NUP155: variants seen among roughly 807,000 people sequenced by gnomAD.
NUP155 encodes the protein nucleoporin 155.
A neutral mutation model predicts 180.4 loss-of-function variants in NUP155; 71 were observed. That is an observed-to-expected ratio of 0.39 (90% CI 0.33 to 0.48). The LOEUF (loss-of-function observed/expected upper bound fraction) is 0.48, where lower values mean the gene tolerates loss of function less well. Among genes scored for constraint, NUP155 ranks in the 20% least tolerant of loss-of-function variants. The pLI is 0.91. For synonymous variants in NUP155, 582 were observed against 559.5 expected, an observed-to-expected ratio of 1.04 and a Z score of -0.57; for missense variants, 1,553 against 1,648.9, an observed-to-expected ratio of 0.94 and a Z score of 1.01.
intron 4 of NUP155, among the ~76,000 whole-genome samples, chr5:37,357,866 G>A (rs1392717302): frequency 1.3e-4 from 20 of 152,108 alleles, no homozygotes; most frequent in Middle Eastern, 3.4e-3. Flanking sequence ...GGTGGCGCAC[G>A]CCCGTAATCC....
At chr5:37,340,388 T>C (rs1040371754) in intron 11 of NUP155, among the ~76,000 whole-genome samples, 8 of 151,188 alleles carry the variant, frequency 5.3e-5, no homozygotes, top group African/African-American at 1.7e-4. Context: ...GAGGTTGCAG[T>C]GAGCAGAGAT....
intron 32 of NUP155, among the ~76,000 whole-genome samples, chr5:37,296,952 A>C (rs572092783): frequency 6.6e-6 from 1 of 152,090 alleles, no homozygotes; most frequent in Admixed American, 6.5e-5. Context: ...CAAGGTGAGC[A>C]GATCACCTGA....
At position 37,330,068 on chromosome 5, in the gene NUP155, A is replaced by G; in HGVS notation, c.1694T>C (p.Val565Ala). 6.2e-7 allele frequency: 1 copy of G among 1,613,732 alleles called. No individual in the cohort carries two copies. Among genetic ancestry groups the G allele is most frequent in the Non-Finnish European group, 8.5e-7 (1 of 1,179,758 alleles). Residue 565 changes from valine to alanine, a missense_variant, in exon 15 of 35, where the codon GTA (valine) becomes GCA (alanine). Coordinates refer to ENST00000231498, the MANE Select transcript of NUP155 (RefSeq NM_153485.3). ...ACSTAACDRE[V>A]SAWATRAFFR... ...GAAAGCCCGAGTAGCCCAGGCAGAT[A>G]CTTCTCTATCACAGGCAGCAGTGGA...
At position 37,327,699 on chromosome 5, in the gene NUP155, C is replaced by T; in HGVS notation, c.1954G>A (p.Val652Met). 6.2e-7 allele frequency: 1 copy of T among 1,614,152 alleles called. No homozygotes were observed. The highest frequency in any genetic ancestry group is 8.5e-7 in the Non-Finnish European group (1 of 1,180,008). The change falls in exon 18 of 35, where the codon GTG becomes ATG. Residue 652 changes from valine to methionine, a missense_variant. Coordinates refer to ENST00000231498, the MANE Select transcript of NUP155 (RefSeq NM_153485.3). ...GAGTACACAATCTCTGGTCCAGTCA[C>T]ACAACTCATATTTGTGGCCTGAGTT... is the stretch of plus-strand genomic sequence containing the variant. ...PATQATNMSC[V>M]TGPEIVYSGK...
In NUP155 at chr5:37,305,166, A is replaced by C. The variant is rs1218891470; in HGVS notation, c.2948T>G (p.Val983Gly). The change falls in exon 26 of 35, where the codon GTA (valine) becomes GGA (glycine). Residue 983 changes from valine to glycine, a missense_variant. By Grantham distance (109) the Val-to-Gly change is moderately radical. Coordinates refer to ENST00000231498, the MANE Select transcript of NUP155 (RefSeq NM_153485.3). ...CTGAGGAGCGGCCTTACTTTGATTT[A>C]CCAGTTCTTGAAGTGTGTCTGTAAT... ...KCITDTLQEL[V>G]NQSKAAPQSP... 6.2e-7 allele frequency: 1 copy of C among 1,613,764 alleles called. No homozygotes were observed. The highest frequency in any genetic ancestry group is 2.2e-5 in the East Asian group (1 of 44,880).
intron 20 of NUP155, among the ~76,000 whole-genome samples, chr5:37,322,737 G>A (rs1194435322): frequency 6.6e-6 from 1 of 151,234 alleles, no homozygotes; most frequent in African/African-American, 2.4e-5. Context: ...TTATTGCTGG[G>A]CATGGTGGAT....
intron 20 of NUP155, among the ~76,000 whole-genome samples, chr5:37,319,840 C>T (rs1434428985): frequency 5.9e-5 from 9 of 152,102 alleles, no homozygotes; most frequent in Admixed American, 3.3e-4. Context: ...CACTGCACTC[C>T]GGCCTGGGCA....
intron 20 of NUP155, among the ~76,000 whole-genome samples, chr5:37,322,207 G>A (rs59150742): frequency 6.6e-6 from 1 of 151,988 alleles, no homozygotes; most frequent in East Asian, 1.9e-4. Context: ...GGCTGGTCTC[G>A]AACTCCTGGC....
intron 6 of NUP155, 79 bp downstream of exon 6, chr5:37,351,111 A>G (rs1198254500): frequency 1.2e-5 from 14 of 1,130,960 alleles, no homozygotes; most frequent in Non-Finnish European, 1.3e-6. Flanking sequence ...TCCTTATATA[A>G]TTAGAAAACA....
At chr5:37,331,399 A>G (rs936426834) in intron 14 of NUP155, among the ~76,000 whole-genome samples, 1 of 151,956 alleles carries the variant, frequency 6.6e-6, no homozygotes, top group Non-Finnish European at 1.5e-5. Flanking sequence ...ACATGGAGAA[A>G]CTCTGTCTCT....
At chr5:37,302,976 T>G in intron 28 of NUP155, 68 bp from the exon 29 acceptor site, 1 of 1,500,032 alleles carries the variant, frequency 6.7e-7, no homozygotes, top group Admixed American at 1.7e-5. Flanking sequence ...ATACGTCAAT[T>G]AGTATGTACT....
chr5:37,294,452 C>G lies in NUP155; in HGVS notation c.3807G>C (p.Gln1269His), dbSNP rs1172767997. Residue 1269 changes from glutamine (Q) to histidine (H), a missense_variant, in exon 33 of 35, where the codon CAG (glutamine) becomes CAC (histidine). Transcript: ENST00000231498. ...AAGTACAAACCTGCTGTTCTAAAAA[C>G]TGTACAATAAAATCTGGGAAGAAAA... Reference protein sequence around the residue: ...PRFFPLDFIVQFLEQQVCTLN... With the variant: ...PRFFPLDFIVHFLEQQVCTLN... 1 of 1,613,476 alleles carries G rather than the reference C, an allele frequency of 6.2e-7. No individual in the cohort carries two copies. Among genetic ancestry groups the G allele is most frequent in the Non-Finnish European group, 8.5e-7 (1 of 1,179,740 alleles).
chr5:37,333,434 G>C, intron 13 of NUP155, 29 bp downstream of exon 13: 1 of 1,596,202 alleles, frequency 6.3e-7, no homozygotes, highest in South Asian at 1.1e-5. Context: ...GCTTATTTTT[G>C]TCACTACCAT....
At chr5:37,327,234 C>T (rs1744659527) in intron 18 of NUP155, 1 of 272,212 alleles carries the variant, frequency 3.7e-6, no homozygotes. Flanking sequence ...AAAGAAAACA[C>T]AAAAAACATA....
intron 20 of NUP155, among the ~76,000 whole-genome samples, chr5:37,320,274 T>C (rs1418965303): frequency 4.0e-5 from 6 of 151,770 alleles, no homozygotes; most frequent in Admixed American, 1.3e-4. Context: ...GGTTGGGAGA[T>C]TGAGACCAGC....
chr5:37,317,932 G>T, intron 21 of NUP155, 56 bp downstream of exon 21: 1 of 898,022 alleles, frequency 1.1e-6, no homozygotes, highest in Non-Finnish European at 1.9e-6. Context: ...TTCTATTCAA[G>T]TAATAAAATT....
intron 9 of NUP155, among the ~76,000 whole-genome samples, chr5:37,344,902 C>T (rs919172931): frequency 2.0e-5 from 3 of 150,066 alleles, no homozygotes; most frequent in South Asian, 2.1e-4. Context: ...TTTGGGGGCA[C>T]GGTGGTTCAC....
chr5:37,309,271 GAA>G lies in NUP155; in HGVS notation c.2629-6_2629-5del. On this transcript the variant is annotated splice_region_variant and splice_polypyrimidine_tract_variant and intron_variant, in intron 23 of 34. Coordinates refer to ENST00000231498, the MANE Select transcript of NUP155 (RefSeq NM_153485.3). The stretch of plus-strand genomic sequence containing the variant: ...AACGCTGGAGAAGCTCATTTGCCTA[GAA>G]GAGGAGATAACAAGAACTTAAAAAT... 1 of 819,886 alleles carries G rather than the reference GAA, an allele frequency of 1.2e-6. No individual in the cohort carries two copies. The highest frequency in any genetic ancestry group is 1.7e-6 in the Non-Finnish European group (1 of 592,600). 50.8% of individuals were successfully genotyped at this position (819,886 alleles called of 1,614,324 possible).
chr5:37,329,240 A>C lies in NUP155; in HGVS notation c.1763T>G (p.Leu588Arg), dbSNP rs778783619. The C allele has an allele frequency of 2.5e-6, 4 of 1,613,878 alleles. No individual in the cohort carries two copies. The highest frequency in any genetic ancestry group is 2.5e-6 in the Non-Finnish European group (3 of 1,179,918). The change falls in exon 16 of 35, where the codon CTT (leucine) becomes CGT (arginine). Residue 588 changes from leucine to arginine, a missense_variant. Transcript: ENST00000231498. The part of the protein sequence containing the change: ...GEAQMRFPTT[L>R]PPPSNVGPIL... ...GGGACCAACATTACTTGGAGGCGGAAGAGTGGTTGGAAATCTCATCTGTGC... is the reference window on the plus strand; with the variant it reads ...GGGACCAACATTACTTGGAGGCGGACGAGTGGTTGGAAATCTCATCTGTGC...
Sources: allele counts gnomAD v4.1 joint callset (sites outside exome capture counted in the v4.1 genomes callset), GRCh38; gene constraint gnomAD v4.1.1; transcripts MANE v1.5; gene names NCBI Gene and HGNC (gene_info 2026-07-23, HGNC 2026-07-21).